TAFA5: variants seen among roughly 807,000 people sequenced by gnomAD.
TAFA5 encodes the protein TAFA chemokine like family member 5, also known as chemokine-like protein TAFA-5.
In TAFA5, 6 loss-of-function variants were observed where a neutral mutation model predicts 15.3. The ratio of observed to expected loss-of-function variants is 0.39; its 90% CI spans 0.21 to 0.77. The LOEUF (loss-of-function observed/expected upper bound fraction) is 0.77. Ranked by LOEUF, TAFA5 falls within the 30% of genes least tolerant of loss-of-function variation. TAFA5 has a pLI of 0.41. For missense variants in TAFA5, 161 were observed against 193.1 expected (o/e 0.83, Z 0.98); for synonymous variants, 103 against 80.7 (o/e 1.28, Z -1.48).
At position 48,552,043 on chromosome 22, in the gene TAFA5, G is replaced by A. The variant is rs991880133; in HGVS notation, c.112+62339G>A. 1.3e-5 allele frequency among the ~76,000 whole-genome samples: 2 copies of A among 152,208 alleles called. No homozygotes were observed. The highest frequency in any genetic ancestry group is 2.1e-4 in the South Asian group (1 of 4,828). ...GCCGTTCAGCTCTGACTGTCCTCCCGGCAGGAAGCGTCCTCCAGTGCTCCC... is the reference window on the plus strand; with the variant it reads ...GCCGTTCAGCTCTGACTGTCCTCCCAGCAGGAAGCGTCCTCCAGTGCTCCC... On this transcript the variant is annotated intron_variant, in intron 1 of 3. Coordinates refer to ENST00000402357, the MANE Select transcript of TAFA5 (RefSeq NM_001082967.3). The surrounding 1 kb of genome is among the most constrained non-coding windows in gnomAD (Gnocchi z 4.1).
At chr22:48,593,668 C>T (rs985344377) in intron 1 of TAFA5, among the ~76,000 whole-genome samples, 6 of 152,298 alleles carry the variant, frequency 3.9e-5, no homozygotes, top group African/African-American at 1.4e-4. Context: ...CTTCTCACCG[C>T]GCGCTCGGGT....
rs1478415321 is a variant in TAFA5 at position 48,530,255 on chromosome 22, G to A, written c.112+40551G>A. On this transcript the variant is annotated intron_variant, in intron 1 of 3. Transcript: ENST00000402357. The surrounding 1 kb of genome is among the most constrained non-coding windows in gnomAD (Gnocchi z 6.0). ...TCTGCTCCCCTCCTGTGACATCCGAGCATGGTCGTCTGACAAATGGGGCAT... is the reference window on the plus strand; with the variant it reads ...TCTGCTCCCCTCCTGTGACATCCGAACATGGTCGTCTGACAAATGGGGCAT... Among the ~76,000 whole-genome samples the A allele has an allele frequency of 6.6e-6, 1 of 152,180 alleles. No homozygotes were observed. The highest frequency in any genetic ancestry group is 2.4e-5 in the African/African-American group (1 of 41,440).
At chr22:48,581,779 A>G (rs982094121) in intron 1 of TAFA5, among the ~76,000 whole-genome samples, 1 of 152,194 alleles carries the variant, frequency 6.6e-6, no homozygotes, top group Non-Finnish European at 1.5e-5. Context: ...CATAAACTAC[A>G]GGATCATGCA....
At chr22:48,644,231 A>G (rs1192027764) in intron 1 of TAFA5, among the ~76,000 whole-genome samples, 4 of 152,078 alleles carry the variant, frequency 2.6e-5, no homozygotes, top group Non-Finnish European at 4.4e-5. Context: ...GGGGGCCCCG[A>G]GCGGGGGACC....
At chr22:48,518,134 A>T (rs1199731053) in intron 1 of TAFA5, among the ~76,000 whole-genome samples, 1 of 152,272 alleles carries the variant, frequency 6.6e-6, no homozygotes, top group East Asian at 1.9e-4. Context: ...TCACATTGTC[A>T]GGCCACCCGG....
Position 48,489,940 on chromosome 22 carries a change from C to A in TAFA5, c.112+236C>A, listed in dbSNP as rs900891003. Among the ~76,000 whole-genome samples, 5 of 151,862 alleles carry A rather than the reference C, an allele frequency of 3.3e-5. No individual in the cohort carries two copies. The highest frequency in any genetic ancestry group is 1.2e-4 in the African/African-American group (5 of 41,402). ...GACGCCCCGGCCCGAGCCTCCCTTC[C>A]CTGACTCCCCGGCAGGGCCCGGGCT... On this transcript the variant is annotated intron_variant, in intron 1 of 3. Transcript: ENST00000402357. This position sits in a 1 kb window ranked among gnomAD's most constrained non-coding sequence, Gnocchi z 5.5.
In TAFA5 at chr22:48,671,739, T is replaced by G. The variant is rs375612276; in HGVS notation, c.262+24993T>G. The stretch of plus-strand genomic sequence containing the variant: ...ACACAAGCAAACAGTGGCCCCTCTC[T>G]GAAAACAGCTCCCTTCTGTGGCTGT... On this transcript the variant is annotated intron_variant, in intron 2 of 3. Coordinates refer to ENST00000402357, the MANE Select transcript of TAFA5 (RefSeq NM_001082967.3). 1.7e-4 allele frequency among the ~76,000 whole-genome samples: 26 copies of G among 152,334 alleles called. No homozygotes were observed. The East Asian group carries it at 4.4e-3, about 26-fold the overall frequency.
At position 48,724,752 on chromosome 22, in the gene TAFA5, G is replaced by C. The variant is rs138066173; in HGVS notation, c.390+16908G>C. Among the ~76,000 whole-genome samples, 132 of 152,348 alleles carry C rather than the reference G, an allele frequency of 8.7e-4. 1 individual carries two copies. In the East Asian group the frequency reaches 0.022, roughly 25 times the overall value. On this transcript the variant is annotated intron_variant, in intron 3 of 3. Coordinates refer to ENST00000402357, the MANE Select transcript of TAFA5 (RefSeq NM_001082967.3). ...AGCCCTGGACTTCCTTCTCAGGCCT[G>C]GGTCTAACCGTAGGACTTAGAAACT...
chr22:48,643,256 G>T (rs1330542042), intron 1 of TAFA5, among the ~76,000 whole-genome samples: 2 of 152,058 alleles, frequency 1.3e-5, no homozygotes, highest in Non-Finnish European at 2.9e-5. Flanking sequence ...TCGCTGTGGC[G>T]ATCTGTTACG....
chr22:48,642,087 G>A (rs1033846376), intron 1 of TAFA5, among the ~76,000 whole-genome samples: 2 of 151,818 alleles, frequency 1.3e-5, no homozygotes, highest in African/African-American at 4.8e-5. Context: ...CTTTTCTGAG[G>A]GGGGCAGCCT....
intron 1 of TAFA5, among the ~76,000 whole-genome samples, chr22:48,562,905 C>T (rs959181565): frequency 1.1e-4 from 16 of 152,330 alleles, no homozygotes; most frequent in Admixed American, 3.3e-4. Flanking sequence ...TTTCCTCTCA[C>T]AGCCCCGGGA....
At chr22:48,585,642 C>T (rs1396487443) in intron 1 of TAFA5, among the ~76,000 whole-genome samples, 2 of 150,570 alleles carry the variant, frequency 1.3e-5, no homozygotes, top group Non-Finnish European at 3.0e-5. Context: ...ACATCACACA[C>T]ACACTATGCA....
chr22:48,744,835 C>T (rs1004360209), intron 3 of TAFA5, among the ~76,000 whole-genome samples: 3 of 152,190 alleles, frequency 2.0e-5, no homozygotes, highest in African/African-American at 7.2e-5. Context: ...TCTCGGCTCA[C>T]TGCAACCTCT....
intron 1 of TAFA5, among the ~76,000 whole-genome samples, chr22:48,502,163 T>TA (rs1363057832): frequency 1.3e-5 from 2 of 152,202 alleles, no homozygotes; most frequent in East Asian, 3.9e-4. Context: ...TATTTCTTTT[T>TA]AAAAATCCAT....
chr22:48,689,669 T>C (rs1438547196), intron 2 of TAFA5, among the ~76,000 whole-genome samples: 1 of 151,962 alleles, frequency 6.6e-6, no homozygotes, highest in Non-Finnish European at 1.5e-5. Flanking sequence ...GCGGACAGAC[T>C]GGCCTGTCCC....
At chr22:48,587,828 G>A (rs899379356) in intron 1 of TAFA5, among the ~76,000 whole-genome samples, 2 of 152,226 alleles carry the variant, frequency 1.3e-5, no homozygotes, top group East Asian at 1.9e-4. Flanking sequence ...TCAGCGGTTC[G>A]GAAGGCCTGG....
intron 2 of TAFA5, among the ~76,000 whole-genome samples, chr22:48,699,683 G>C (rs1361509617): frequency 6.6e-6 from 1 of 152,218 alleles, no homozygotes; most frequent in Non-Finnish European, 1.5e-5. Context: ...CTGATAACTT[G>C]CCTAAGATGT....
At chr22:48,495,316 G>A (rs927302479) in intron 1 of TAFA5, among the ~76,000 whole-genome samples, 1 of 152,226 alleles carries the variant, frequency 6.6e-6, no homozygotes, top group Admixed American at 6.5e-5. Flanking sequence ...CGGGGGCAGA[G>A]ATGGTCACTC....
intron 3 of TAFA5, among the ~76,000 whole-genome samples, chr22:48,716,962 C>T (rs1231193695): frequency 1.3e-5 from 2 of 152,046 alleles, no homozygotes; most frequent in African/African-American, 2.4e-5. Context: ...GAGTTCTGAA[C>T]GATATAACCT....
Sources: gnomAD v4.1 joint callset for allele counts (sites outside exome capture counted in the v4.1 genomes callset) on GRCh38, gnomAD v4.1.1 for gene constraint, Gnocchi (gnomAD v3.1) non-coding constraint, MANE v1.5 for transcripts, NCBI Gene and HGNC (gene_info 2026-07-23, HGNC 2026-07-21) for gene names.